Variants in ELF2 observed in about 807,000 individuals in gnomAD.
ELF2 encodes ETS-related transcription factor Elf-2.
ELF2 carries 11 observed loss-of-function variants against 54.8 expected under a neutral mutation model. The observed-to-expected ratio is 0.20, with a 90% CI of 0.13 to 0.33. The LOEUF (loss-of-function observed/expected upper bound fraction) is 0.33, where lower values mean the gene tolerates loss of function less well. ELF2 is among the 10% of genes least tolerant of loss of function. The pLI is 1.00. For missense variants in ELF2, 513 were observed against 703.0 expected (o/e 0.73, Z 3.06); for synonymous variants, 203 against 245.1 (o/e 0.83, Z 1.61).
intron 2 of ELF2, among the ~76,000 whole-genome samples, chr4:139,139,112 CATTA>C (rs1188940784): frequency 6.6e-6 from 1 of 151,972 alleles, no homozygotes; most frequent in African/African-American, 2.4e-5. Context: ...TAAATCATTC[CATTA>C]ATATTATGCC....
chr4:139,175,060 T>C (rs1316845651), intron 1 of ELF2, among the ~76,000 whole-genome samples: 1 of 152,210 alleles, frequency 6.6e-6, no homozygotes, highest in African/African-American at 2.4e-5. Flanking sequence ...GGAGTAATTT[T>C]TTAAAAAATT....
rs572260996 is a variant in ELF2, at chr4:139,103,747, A to G, written c.238+21417T>C. On this transcript the variant is annotated intron_variant, in intron 4 of 9. Coordinates refer to ENST00000686138, the MANE Select transcript of ELF2 (RefSeq NM_001331036.3). ...ATTAGAGGACACCCAGCTGGTGTCC[A>G]CTACAGAACTGACTGACTAGTTTAT... Among the ~76,000 whole-genome samples the G allele has an allele frequency of 2.0e-5, 3 of 152,360 alleles. No individual in the cohort carries two copies. The South Asian group carries it at 6.2e-4, about 32-fold the overall frequency.
At position 139,067,668 on chromosome 4, in the gene ELF2, A is replaced by G. The variant is rs770966128; in HGVS notation, c.613+16T>C. The G allele has an allele frequency of 2.5e-6, 4 of 1,610,810 alleles. No individual in the cohort carries two copies. Among genetic ancestry groups the G allele is most frequent in the Non-Finnish European group, 3.4e-6 (4 of 1,178,016 alleles). On this transcript the variant is annotated intron_variant, in intron 7 of 9. Coordinates refer to ENST00000686138, the MANE Select transcript of ELF2 (RefSeq NM_001331036.3). Reference sequence around the variant, plus strand: ...AAAAAATCATCTCACTTCCAAAGCAACCCTCCCCAAATTACCTTTTCCTTC... The same window carrying G: ...AAAAAATCATCTCACTTCCAAAGCAGCCCTCCCCAAATTACCTTTTCCTTC...
At chr4:139,097,634 TAAAG>T (rs1398199789) in intron 4 of ELF2, among the ~76,000 whole-genome samples, 2 of 149,880 alleles carry the variant, frequency 1.3e-5, no homozygotes, top group East Asian at 3.9e-4. Flanking sequence ...AAAAAAAAAG[TAAAG>T]AAAAAAAAAT....
intron 4 of ELF2, among the ~76,000 whole-genome samples, chr4:139,107,603 G>A (rs761999836): frequency 2.6e-5 from 4 of 152,048 alleles, no homozygotes; most frequent in African/African-American, 4.8e-5. Context: ...AAGAGACAGA[G>A]AGGCATCTTT....
intron 3 of ELF2, among the ~76,000 whole-genome samples, chr4:139,136,138 C>T (rs1371599587): frequency 6.6e-6 from 1 of 152,062 alleles, no homozygotes; most frequent in Non-Finnish European, 1.5e-5. Flanking sequence ...GGCAGTTCCC[C>T]AATCCCTAAT....
chr4:139,153,953 TTCCCCTTTCCCTACTG>T (rs979629784), intron 1 of ELF2, among the ~76,000 whole-genome samples: 2 of 152,168 alleles, frequency 1.3e-5, no homozygotes, highest in African/African-American at 4.8e-5. Context: ...TATTTTTTCT[TTCCCCTTTCCCTACTG>T]TCCCCTTTTT....
chr4:139,171,460 G>T (rs2148918129), intron 1 of ELF2, among the ~76,000 whole-genome samples: 1 of 151,984 alleles, frequency 6.6e-6, no homozygotes, highest in South Asian at 2.1e-4. Context: ...CATCGCCAAG[G>T]TCTGCTTTTT....
intron 1 of ELF2, among the ~76,000 whole-genome samples, chr4:139,174,747 G>C (rs908618424): frequency 2.0e-5 from 3 of 152,166 alleles, no homozygotes; most frequent in African/African-American, 7.2e-5. Context: ...AAGCATACAA[G>C]AGAATATGCA....
At chr4:139,176,158 G>A (rs1742892135) in intron 1 of ELF2, among the ~76,000 whole-genome samples, 2 of 152,184 alleles carry the variant, frequency 1.3e-5, no homozygotes, top group African/African-American at 2.4e-5. Context: ...GGATCCAGAA[G>A]GCGGTCACTG....
At chr4:139,152,891 CTTTTTTTTTTTTT>C (rs34208004) in intron 1 of ELF2, among the ~76,000 whole-genome samples, 1 of 104,060 alleles carries the variant, frequency 9.6e-6, no homozygotes, top group Non-Finnish European at 1.9e-5. Context: ...TAGTGTCATA[CTTTTTTTTTTTTT>C]TTTTTTTTTG....
intron 1 of ELF2, chr4:139,155,266 T>TTCA (rs1168292294): frequency 6.6e-6 from 1 of 151,756 alleles, no homozygotes; most frequent in Non-Finnish European, 1.5e-5. Flanking sequence ...CAACACAAAG[T>TTCA]TCACCATCAG....
intron 4 of ELF2, among the ~76,000 whole-genome samples, chr4:139,083,214 T>C (rs1731410780): frequency 6.6e-6 from 1 of 152,058 alleles, no homozygotes; most frequent in African/African-American, 2.4e-5. Context: ...GGCAATTCCG[T>C]GCTGAGACTT....
intron 4 of ELF2, among the ~76,000 whole-genome samples, chr4:139,119,184 AATT>A (rs1292475227): frequency 2.0e-5 from 3 of 152,332 alleles, no homozygotes; most frequent in African/African-American, 7.2e-5. Flanking sequence ...ACAAATATAG[AATT>A]TACGTATCTC....
intron 1 of ELF2, among the ~76,000 whole-genome samples, chr4:139,157,916 C>G (rs1740710779): frequency 6.6e-6 from 1 of 152,336 alleles, no homozygotes; most frequent in African/African-American, 2.4e-5. Context: ...GATAACGCGT[C>G]TGACTACGGA....
intron 4 of ELF2, among the ~76,000 whole-genome samples, chr4:139,121,393 C>A (rs1398716304): frequency 6.6e-6 from 1 of 151,876 alleles, no homozygotes; most frequent in Non-Finnish European, 1.5e-5. Context: ...CAGGTGTGAA[C>A]CACCATGCCC....
chr4:139,156,949 T>C (rs572556477), intron 1 of ELF2, among the ~76,000 whole-genome samples: 85 of 152,298 alleles, frequency 5.6e-4, no homozygotes, highest in Non-Finnish European at 4.4e-4. Context: ...CTTACACATA[T>C]ATTCTTATGT....
chr4:139,102,055 T>C (rs533236177), intron 4 of ELF2: 1 of 152,240 alleles, frequency 6.6e-6, no homozygotes, highest in South Asian at 2.1e-4. Context: ...TACCACCTTT[T>C]AATTTCTTTC....
chr4:139,065,761 G>C lies in ELF2; in HGVS notation c.613+1923C>G, dbSNP rs542651233. Reference sequence around the variant, plus strand: ...AGTTTTTCTCCAGCGTTAAGCAAAAGATATTCAAGTATAAGTGATACCACT... The same window carrying C: ...AGTTTTTCTCCAGCGTTAAGCAAAACATATTCAAGTATAAGTGATACCACT... On this transcript the variant is annotated intron_variant, in intron 7 of 9. Coordinates refer to ENST00000686138, the MANE Select transcript of ELF2 (RefSeq NM_001331036.3). 1.1e-4 allele frequency among the ~76,000 whole-genome samples: 16 copies of C among 152,230 alleles called. No homozygotes were observed. The East Asian group carries it at 3.1e-3, about 29-fold the overall frequency.
Sources: gnomAD v4.1 joint callset for allele counts (sites outside exome capture counted in the v4.1 genomes callset) on GRCh38, gnomAD v4.1.1 for gene constraint, MANE v1.5 for transcripts, NCBI Gene and HGNC (gene_info 2026-07-23, HGNC 2026-07-21) for gene names.